Variants in PAK1 observed in about 807,000 individuals in gnomAD.
PAK1 encodes serine/threonine-protein kinase PAK 1.
Under a neutral mutation model 67.4 loss-of-function variants are expected in PAK1, and 29 were observed. The ratio of observed to expected loss-of-function variants is 0.43; its 90% CI spans 0.32 to 0.59. PAK1 has a LOEUF of 0.59. Ranked by LOEUF, PAK1 falls within the 20% of genes least tolerant of loss-of-function variation. PAK1 has a pLI of 0.07. For synonymous variants in PAK1, 223 were observed against 237.4 expected, an observed-to-expected ratio of 0.94 and a Z score of 0.56; for missense variants, 337 against 670.7, an observed-to-expected ratio of 0.50 and a Z score of 5.50.
intron 1 of PAK1, among the ~76,000 whole-genome samples, chr11:77,407,275 G>A (rs946875033): frequency 3.3e-5 from 5 of 151,974 alleles, no homozygotes; most frequent in Non-Finnish European, 5.9e-5. Flanking sequence ...CTATCTGTTC[G>A]ACCTTAAATA....
chr11:77,392,229 T>C (rs769706598), intron 2 of PAK1, 102 bp downstream of exon 2: 147 of 857,852 alleles, frequency 1.7e-4, no homozygotes, highest in Non-Finnish European at 2.5e-4. Flanking sequence ...AAAGAAAACA[T>C]TAAAGGAAAA....
Position 77,340,460 on chromosome 11 carries a change from G to A in PAK1, c.1116+186C>T, listed in dbSNP as rs569935237. 4.8e-4 allele frequency among the ~76,000 whole-genome samples: 73 copies of A among 151,468 alleles called. 3 individuals are homozygous for A. The South Asian group carries it at 0.013, about 26-fold the overall frequency. The stretch of plus-strand genomic sequence containing the variant: ...CTACAATGGGTAGAATAAAGTTATC[G>A]TTAAAAAAAAAATCATGGTGATAGA... On this transcript the variant is annotated intron_variant, in intron 11 of 14. Transcript: ENST00000356341.
At chr11:77,399,556 T>G (rs1384022442) in intron 1 of PAK1, among the ~76,000 whole-genome samples, 1 of 152,206 alleles carries the variant, frequency 6.6e-6, no homozygotes. Flanking sequence ...TATTTTCAAA[T>G]GCATTTTTAA....
At chr11:77,383,097 C>T (rs1950037897) in intron 2 of PAK1, among the ~76,000 whole-genome samples, 1 of 152,184 alleles carries the variant, frequency 6.6e-6, no homozygotes. Flanking sequence ...TGTCCTGATT[C>T]ACAGAGCACA....
intron 5 of PAK1, 53 bp from the exon 6 acceptor site, chr11:77,359,070 A>G (rs1946431253): frequency 6.4e-7 from 1 of 1,573,760 alleles, no homozygotes; most frequent in Non-Finnish European, 8.6e-7. Flanking sequence ...ATGGAACTTA[A>G]CTATCAGGAT....
At chr11:77,518,494 A>C in the PAK1 span, among the ~76,000 whole-genome samples, 1 of 152,234 alleles carries the variant, frequency 6.6e-6, no homozygotes. Flanking sequence ...TTCCCCAGTG[A>C]ATCAGCAAAG....
chr11:77,490,086 C>A, the PAK1 span, among the ~76,000 whole-genome samples: 1 of 149,548 alleles, frequency 6.7e-6, no homozygotes, highest in African/African-American at 2.5e-5. Flanking sequence ...ATGTGGGGAG[C>A]GCCTCTGCCC....
chr11:77,491,313 G>A, the PAK1 span, among the ~76,000 whole-genome samples: 191 of 151,994 alleles, frequency 1.3e-3, 2 homozygotes, highest in Middle Eastern at 6.8e-3. Context: ...CTACAACATA[G>A]TACGATAAGA....
chr11:77,401,750 G>A (rs1352634019), intron 1 of PAK1, among the ~76,000 whole-genome samples: 2 of 152,134 alleles, frequency 1.3e-5, no homozygotes, highest in African/African-American at 4.8e-5. Flanking sequence ...CTTCACAGAA[G>A]CCCCCAAATT....
chr11:77,330,415 T>C (rs1469300599), intron 14 of PAK1, among the ~76,000 whole-genome samples: 1 of 152,192 alleles, frequency 6.6e-6, no homozygotes, highest in African/African-American at 2.4e-5. Context: ...CAAAACAGCA[T>C]GGTACTGGTA....
rs560409809 is a variant in PAK1 at position 77,438,116 on chromosome 11, A to G, written c.-22+35436T>C. On this transcript the variant is annotated intron_variant, in intron 1 of 14. Coordinates refer to ENST00000356341, the MANE Select transcript of PAK1 (RefSeq NM_002576.5). ...CTCTGTCCCCACCCTCCCCAGTTAA[A>G]ATACCTTCCCAAGGACCTGTCCTTC... Among the ~76,000 whole-genome samples, 8 of 152,162 alleles carry G rather than the reference A, an allele frequency of 5.3e-5. No homozygotes were observed. The South Asian group carries it at 1.7e-3, about 32-fold the overall frequency.
intron 8 of PAK1, chr11:77,353,291 A>C (rs1945533599): frequency 1.2e-5 from 5 of 408,850 alleles, no homozygotes; most frequent in Admixed American, 4.2e-5. Flanking sequence ...AAGAAAAAAA[A>C]CCGTTCTCTC....
intron 1 of PAK1, among the ~76,000 whole-genome samples, chr11:77,406,109 C>A (rs1188853307): frequency 1.3e-5 from 2 of 152,140 alleles, no homozygotes; most frequent in Non-Finnish European, 2.9e-5. Context: ...GGCTTGGGAC[C>A]TTCCTTGCTC....
rs1938762308 is a variant in PAK1 at position 77,323,057 on chromosome 11, T to G, written c.*217A>C. On this transcript the variant is annotated 3_prime_UTR_variant, in exon 15 of 15. Transcript: ENST00000356341. ...TCATATCCATGAATTGGGAGGAAAT[T>G]CCTTATTTAGAAATGGCCATCATCT... 7 of 825,880 alleles carry G rather than the reference T, an allele frequency of 8.5e-6. No individual in the cohort carries two copies. Among genetic ancestry groups the G allele is most frequent in the Non-Finnish European group, 1.4e-5 (7 of 499,204 alleles). 51.2% of individuals were successfully genotyped at this position (825,880 alleles called of 1,614,324 possible).
At chr11:77,381,589 T>C (rs1330514250) in intron 2 of PAK1, among the ~76,000 whole-genome samples, 1 of 152,224 alleles carries the variant, frequency 6.6e-6, no homozygotes, top group African/African-American at 2.4e-5. Flanking sequence ...AGAAATGACA[T>C]TAAGAACTTG....
chr11:77,423,641 T>C (rs1565692574), intron 1 of PAK1, among the ~76,000 whole-genome samples: 2 of 152,172 alleles, frequency 1.3e-5, no homozygotes, highest in African/African-American at 4.8e-5. Flanking sequence ...CATTTCAGTG[T>C]TGTTAAGGGA....
the PAK1 span, among the ~76,000 whole-genome samples, chr11:77,489,861 C>T: frequency 2.0e-5 from 3 of 152,160 alleles, no homozygotes; most frequent in Admixed American, 6.5e-5. Flanking sequence ...AGCCTCTGCC[C>T]GGCCACCACC....
intron 6 of PAK1, among the ~76,000 whole-genome samples, chr11:77,357,433 A>C (rs1341165175): frequency 6.6e-6 from 1 of 152,184 alleles, no homozygotes; most frequent in Non-Finnish European, 1.5e-5. Flanking sequence ...CCTGTAGACA[A>C]ACTATATCCC....
At chr11:77,413,051 A>G (rs1288859848) in intron 1 of PAK1, among the ~76,000 whole-genome samples, 1 of 152,126 alleles carries the variant, frequency 6.6e-6, no homozygotes, top group African/African-American at 2.4e-5. Context: ...AGGTAGTATT[A>G]CCTCACTCTT....
Sources: allele counts gnomAD v4.1 joint callset (sites outside exome capture counted in the v4.1 genomes callset), GRCh38; gene constraint gnomAD v4.1.1; transcripts MANE v1.5; gene names NCBI Gene and HGNC (gene_info 2026-07-23, HGNC 2026-07-21).